ANKRD30BL: variants seen among roughly 807,000 people sequenced by gnomAD.
ANKRD30BL encodes putative ankyrin repeat domain-containing protein 30B-like.
In ANKRD30BL, 20 loss-of-function variants were observed where a neutral mutation model predicts 18.4. The observed-to-expected ratio is 1.09, with a 90% confidence interval of 0.77 to 1.58. ANKRD30BL has a LOEUF of 1.58. ANKRD30BL is among the 40% of genes most tolerant of loss of function. The probability of loss-of-function intolerance (pLI) is 0.00; values close to 1 mark genes in which losing one functional copy is unlikely to be tolerated. For missense variants in ANKRD30BL, 224 were observed against 268.6 expected (o/e 0.83, Z 1.16); for synonymous variants, 72 against 100.9 (o/e 0.71, Z 1.72).
chr2:132,249,736 A>G lies in ANKRD30BL; in HGVS notation n.441+7793T>C, dbSNP rs576044439. On this transcript the variant is annotated intron_variant and non_coding_transcript_variant, in intron 1 of 4. Transcript: ENST00000470729. ...GTTTCCAAACTGCTCAATCAAAAGA[A>G]TGGTTCAACTCTGTGAGATGAATGC... is the stretch of plus-strand genomic sequence containing the variant. 2.1e-4 allele frequency among the ~76,000 whole-genome samples: 32 copies of G among 152,298 alleles called. 1 individual carries two copies. In the South Asian group the frequency reaches 4.8e-3, roughly 23 times the overall value.
intron 1 of ANKRD30BL, among the ~76,000 whole-genome samples, chr2:132,183,593 A>G (rs1688511149): frequency 1.3e-5 from 2 of 152,154 alleles, no homozygotes; most frequent in African/African-American, 2.4e-5. Context: ...TAGAAGTTCC[A>G]AGAAAATGGT....
Position 132,196,206 on chromosome 2 carries a change from T to C in ANKRD30BL, n.442-39060A>G, listed in dbSNP as rs181799308. ...ATAAAAACAGGCAAAAGGCCAGGCA[T>C]AGTGGCTTACGCCTATAATCCTAAC... On this transcript the variant is annotated intron_variant and non_coding_transcript_variant, in intron 1 of 4. Transcript: ENST00000470729. 2.1e-3 allele frequency among the ~76,000 whole-genome samples: 315 copies of C among 150,910 alleles called. 1 individual carries two copies. The highest frequency in any genetic ancestry group is 7.2e-3 in the African/African-American group (296 of 41,128).
At chr2:132,173,775 T>C (rs1412512672) in intron 1 of ANKRD30BL, among the ~76,000 whole-genome samples, 1 of 152,198 alleles carries the variant, frequency 6.6e-6, no homozygotes, top group Non-Finnish European at 1.5e-5. Context: ...AGTTTTATTA[T>C]TAAGCTCATT....
chr2:132,225,057 C>A (rs1679804637), intron 1 of ANKRD30BL, among the ~76,000 whole-genome samples: 1 of 151,732 alleles, frequency 6.6e-6, no homozygotes, highest in Non-Finnish European at 1.5e-5. Context: ...CTTGAACATT[C>A]TTAATAATAG....
At chr2:132,226,209 T>A (rs1362251971) in intron 1 of ANKRD30BL, among the ~76,000 whole-genome samples, 1 of 151,688 alleles carries the variant, frequency 6.6e-6, no homozygotes, top group African/African-American at 2.4e-5. Flanking sequence ...AGAAGCATTT[T>A]CTGAAACTTC....
chr2:132,179,536 G>A (rs1304926915), intron 1 of ANKRD30BL, among the ~76,000 whole-genome samples: 581 of 135,020 alleles, frequency 4.3e-3, no homozygotes, highest in South Asian at 9.6e-3. Context: ...TGATCCTCCC[G>A]CCTCAGCCTC....
intron 1 of ANKRD30BL, among the ~76,000 whole-genome samples, chr2:132,181,170 T>A (rs1688453869): frequency 6.6e-6 from 1 of 151,518 alleles, no homozygotes; most frequent in African/African-American, 2.4e-5. Flanking sequence ...ATTAAAAAAA[T>A]ATTAAAATGA....
At chr2:132,244,808 T>G (rs62164012) in intron 1 of ANKRD30BL, among the ~76,000 whole-genome samples, 2 of 152,270 alleles carry the variant, frequency 1.3e-5, no homozygotes, top group African/African-American at 4.8e-5. Context: ...TTTGTGATGT[T>G]TGCATTCATC....
chr2:132,251,562 T>C (rs1009561614), intron 1 of ANKRD30BL, among the ~76,000 whole-genome samples: 2 of 152,174 alleles, frequency 1.3e-5, no homozygotes, highest in South Asian at 2.1e-4. Flanking sequence ...TTATACAACA[T>C]CGTATTTTTA....
chr2:132,243,842 T>C (rs1680402676), intron 1 of ANKRD30BL, among the ~76,000 whole-genome samples: 1 of 152,242 alleles, frequency 6.6e-6, no homozygotes, highest in South Asian at 2.1e-4. Flanking sequence ...AAACACTCTT[T>C]TTGTAGGATC....
rs578126347 is a variant in ANKRD30BL, at chr2:132,253,159, C to T, written n.441+4370G>A. ...GGGGGATTTTGATTGGCAAGTGACG[C>T]TCAGACAGGCATAGCCCTGGGAGGA... On this transcript the variant is annotated intron_variant and non_coding_transcript_variant, in intron 1 of 4. Coordinates refer to the ANKRD30BL transcript ENST00000470729. The T allele has an allele frequency of 1.1e-3, 246 of 222,306 alleles. 1 individual carries two copies. The highest frequency in any genetic ancestry group is 5.3e-3 in the African/African-American group (228 of 42,706). The allele number at this position is 222,306 out of a possible 1,614,324, so 13.8% of individuals were successfully genotyped here.
chr2:132,148,415 G>A (rs1197627359), intron 5 of ANKRD30BL, among the ~76,000 whole-genome samples, 187 bp from the exon 6 acceptor site: 1 of 129,468 alleles, frequency 7.7e-6, no homozygotes, highest in Admixed American at 9.2e-5. Flanking sequence ...TGCCCAGGCT[G>A]GAGTGCAGTG....
chr2:132,171,153 T>TTAAAA (rs1391982462), intron 1 of ANKRD30BL, among the ~76,000 whole-genome samples: 1 of 58,856 alleles, frequency 1.7e-5, no homozygotes, highest in Non-Finnish European at 2.9e-5. Flanking sequence ...AGACTCTGTC[T>TTAAAA]CAAAAAAAAA....
At chr2:132,229,459 A>G (rs1398008598) in intron 1 of ANKRD30BL, among the ~76,000 whole-genome samples, 1 of 152,140 alleles carries the variant, frequency 6.6e-6, no homozygotes, top group Non-Finnish European at 1.5e-5. Flanking sequence ...CATCACATAA[A>G]GACTAGACTG....
chr2:132,194,514 C>T (rs1333856455), intron 1 of ANKRD30BL, among the ~76,000 whole-genome samples: 1 of 152,158 alleles, frequency 6.6e-6, no homozygotes, highest in Non-Finnish European at 1.5e-5. Context: ...TTGTGAGAGT[C>T]TCCAATGAGT....
intron 1 of ANKRD30BL, among the ~76,000 whole-genome samples, chr2:132,204,942 A>T (rs1019638753): frequency 1.3e-5 from 2 of 152,228 alleles, no homozygotes; most frequent in African/African-American, 4.8e-5. Context: ...GGAGTAAAAA[A>T]AAATAAAGAA....
chr2:132,253,709 C>G (rs890149672), intron 1 of ANKRD30BL, among the ~76,000 whole-genome samples: 1 of 151,682 alleles, frequency 6.6e-6, no homozygotes, highest in Admixed American at 6.6e-5. Context: ...TGTGGGCCCA[C>G]TGCACCTGAC....
At chr2:132,175,598 C>T (rs534469455) in intron 1 of ANKRD30BL, among the ~76,000 whole-genome samples, 52 of 152,318 alleles carry the variant, frequency 3.4e-4, no homozygotes, top group Admixed American at 1.1e-3. Flanking sequence ...AGACCCTTTA[C>T]GGGTGTTGGG....
At position 132,241,870 on chromosome 2, in the gene ANKRD30BL, G is replaced by C. The variant is rs566856894; in HGVS notation, n.441+15659C>G. Reference sequence around the variant, plus strand: ...CGGGAATATCTTCACATAAAAACTAGACAAAAGCATTCTCAGAAACTTCTT... The same window carrying C: ...CGGGAATATCTTCACATAAAAACTACACAAAAGCATTCTCAGAAACTTCTT... On this transcript the variant is annotated intron_variant and non_coding_transcript_variant, in intron 1 of 4. Transcript: ENST00000470729. 3.0e-4 allele frequency among the ~76,000 whole-genome samples: 46 copies of C among 151,772 alleles called. No homozygotes were observed. The South Asian group carries it at 4.6e-3, about 15-fold the overall frequency.
Sources: allele counts gnomAD v4.1 joint callset (sites outside exome capture counted in the v4.1 genomes callset), GRCh38; gene constraint gnomAD v4.1.1; transcripts MANE v1.5; gene names NCBI Gene and HGNC (gene_info 2026-07-23, HGNC 2026-07-21).